TSHR: variants seen among roughly 807,000 people sequenced by gnomAD.
The protein encoded by TSHR is thyroid stimulating hormone receptor, also known as thyrotropin receptor.
A neutral mutation model predicts 64.1 loss-of-function variants in TSHR; 51 were observed. The observed-to-expected ratio is 0.80, with a 90% confidence interval of 0.64 to 1.01. The LOEUF is 1.01. Ranked by LOEUF, TSHR falls within the 50% of genes least tolerant of loss-of-function variation. The probability of loss-of-function intolerance (pLI) is 0.00; values close to 1 mark genes in which losing one functional copy is unlikely to be tolerated. For synonymous variants in TSHR, 361 were observed against 361.9 expected, an observed-to-expected ratio of 1.00 and a Z score of 0.03; for missense variants, 877 against 942.8, an observed-to-expected ratio of 0.93 and a Z score of 0.91.
At chr14:81,006,638 G>A (rs1435249717) in intron 1 of TSHR, among the ~76,000 whole-genome samples, 3 of 151,860 alleles carry the variant, frequency 2.0e-5, no homozygotes, top group African/African-American at 7.3e-5. Context: ...TCAGCCTCCC[G>A]AATAGCTGGG....
intron 2 of TSHR, among the ~76,000 whole-genome samples, chr14:81,065,807 G>T (rs2139902118): frequency 6.6e-6 from 1 of 152,318 alleles, no homozygotes; most frequent in South Asian, 2.1e-4. Context: ...AATGATTAAA[G>T]ATTTGATATA....
chr14:81,026,424 T>G (rs1256975163), intron 1 of TSHR, among the ~76,000 whole-genome samples: 1 of 152,086 alleles, frequency 6.6e-6, no homozygotes, highest in Admixed American at 6.5e-5. Context: ...CCTTCATTAT[T>G]GAAAAGGAAT....
intron 8 of TSHR, among the ~76,000 whole-genome samples, chr14:81,135,927 G>A (rs1486189807): frequency 6.6e-6 from 1 of 152,228 alleles, no homozygotes. Flanking sequence ...TGAAAGTGCA[G>A]AGATAGTGTG....
At chr14:81,131,035 G>A (rs1341477094) in intron 8 of TSHR, among the ~76,000 whole-genome samples, 1 of 148,448 alleles carries the variant, frequency 6.7e-6, no homozygotes, top group Non-Finnish European at 1.5e-5. Context: ...CTTGACTGCC[G>A]TCACCATCTG....
chr14:80,983,505 G>T (rs1317780878), intron 1 of TSHR: 2 of 1,346,492 alleles, frequency 1.5e-6, no homozygotes, highest in Non-Finnish European at 2.1e-6. Flanking sequence ...AGCCAGTCTT[G>T]TTAGTGGTGT....
chr14:81,091,083 C>T lies in TSHR; in HGVS notation c.407C>T (p.Thr136Ile), dbSNP rs1427587546. ...PLLKFLGIFN[T>I]GLKMFPDLTK... ...CATTAATTTAGTGGCATTTTCAACA[C>T]TGGACTTAAAATGTTCCCTGACCTG... The change falls in exon 5 of 10, where the codon ACT (threonine) becomes ATT (isoleucine). Residue 136 changes from threonine (T) to isoleucine (I), a missense_variant. Transcript: ENST00000298171. The T allele has an allele frequency of 6.2e-7, 1 of 1,611,896 alleles. No homozygotes were observed. Among genetic ancestry groups the T allele is most frequent in the Non-Finnish European group, 8.5e-7 (1 of 1,179,778 alleles).
At chr14:80,962,055 A>G (rs1264837300) in intron 1 of TSHR, among the ~76,000 whole-genome samples, 1 of 152,146 alleles carries the variant, frequency 6.6e-6, no homozygotes, top group Non-Finnish European at 1.5e-5. Context: ...TTGGTCTGCT[A>G]TTTCCTAAAT....
At chr14:81,053,601 C>G (rs1283662339) in intron 1 of TSHR, 1 of 152,156 alleles carries the variant, frequency 6.6e-6, no homozygotes, top group African/African-American at 2.4e-5. Flanking sequence ...GACTGGAACT[C>G]CTATAGATCA....
At chr14:81,087,840 G>A (rs1255053171) in intron 3 of TSHR, 114 bp from the exon 4 acceptor site, 28 of 861,168 alleles carry the variant, frequency 3.3e-5, no homozygotes, top group Non-Finnish European at 4.3e-5. Flanking sequence ...ACCCTGTGGC[G>A]TAAATGCATA....
At chr14:80,962,116 T>C (rs1887067618) in intron 1 of TSHR, among the ~76,000 whole-genome samples, 1 of 152,060 alleles carries the variant, frequency 6.6e-6, no homozygotes, top group African/African-American at 2.4e-5. Context: ...TCTCCATCTA[T>C]AAAAAAAGAG....
At chr14:81,091,923 A>C (rs1307019457) in intron 5 of TSHR, among the ~76,000 whole-genome samples, 1 of 152,242 alleles carries the variant, frequency 6.6e-6, no homozygotes, top group Non-Finnish European at 1.5e-5. Context: ...AGAGAATTAC[A>C]AGTTGAGTTT....
intron 1 of TSHR, among the ~76,000 whole-genome samples, chr14:81,028,640 A>ATT: frequency 6.6e-6 from 1 of 152,136 alleles, no homozygotes; most frequent in South Asian, 2.1e-4. Flanking sequence ...AACTGCCATG[A>ATT]GCAAATGGAA....
intron 8 of TSHR, among the ~76,000 whole-genome samples, chr14:81,131,644 A>T (rs953507012): frequency 1.2e-4 from 18 of 152,050 alleles, no homozygotes; most frequent in African/African-American, 4.1e-4. Context: ...TTGGCCTGCA[A>T]TGCTTTTGCT....
chr14:81,120,055 G>A (rs1474185176), intron 8 of TSHR, among the ~76,000 whole-genome samples: 1 of 126,376 alleles, frequency 7.9e-6, no homozygotes, highest in East Asian at 2.5e-4. Flanking sequence ...GGGAGGGATA[G>A]CATTGGGAGA....
At chr14:81,014,421 A>G (rs1890072898) in intron 1 of TSHR, 1 of 152,206 alleles carries the variant, frequency 6.6e-6, no homozygotes, top group African/African-American at 2.4e-5. Context: ...GATATAAAAG[A>G]AAATGAATGA....
rs527709372 is a variant in TSHR at position 81,014,701 on chromosome 14, C to T, written c.171-47447C>T. The stretch of plus-strand genomic sequence containing the variant: ...AGACTTTGTCCTAGAATTCCCACAC[C>T]AAGTAGGAAGCATAAAATAACTTAG... On this transcript the variant is annotated intron_variant, in intron 1 of 9. Transcript: ENST00000298171. 2.7e-4 allele frequency among the ~76,000 whole-genome samples: 41 copies of T among 152,258 alleles called. 1 individual carries two copies. In the South Asian group the frequency reaches 7.9e-3, roughly 29 times the overall value.
intron 8 of TSHR, among the ~76,000 whole-genome samples, chr14:81,138,634 T>C (rs1040767234): frequency 6.6e-6 from 1 of 152,144 alleles, no homozygotes; most frequent in Non-Finnish European, 1.5e-5. Context: ...GGTTAATACA[T>C]GAGCTTTAAG....
At chr14:81,083,228 G>A (rs1250641812) in intron 3 of TSHR, among the ~76,000 whole-genome samples, 1 of 152,044 alleles carries the variant, frequency 6.6e-6, no homozygotes, top group African/African-American at 2.4e-5. Context: ...CGCTTTTATT[G>A]AGAATTAATC....
intron 1 of TSHR, among the ~76,000 whole-genome samples, chr14:80,960,036 C>T (rs530391080): frequency 1.8e-4 from 28 of 152,210 alleles, no homozygotes; most frequent in Non-Finnish European, 3.7e-4. Context: ...TGTGAATACA[C>T]TGAGCCTACA....
Sources: allele counts gnomAD v4.1 joint callset (sites outside exome capture counted in the v4.1 genomes callset), GRCh38; gene constraint gnomAD v4.1.1; transcripts MANE v1.5; gene names NCBI Gene and HGNC (gene_info 2026-07-23, HGNC 2026-07-21).